Variants in WWOX observed in about 807,000 individuals in gnomAD.
WWOX encodes the protein WW domain-containing oxidoreductase.
WWOX carries 69 observed loss-of-function variants against 46.2 expected under a neutral mutation model. That is an observed-to-expected ratio of 1.49 (90% CI 1.23 to 1.82). The LOEUF (loss-of-function observed/expected upper bound fraction) is 1.82. WWOX is among the 40% of genes most tolerant of loss of function. The pLI is 0.00. For missense variants in WWOX, 919 were observed against 542.6 expected (o/e 1.69, Z -6.89); for synonymous variants, 359 against 202.6 (o/e 1.77, Z -6.56).
intron 5 of WWOX, among the ~76,000 whole-genome samples, chr16:78,352,358 C>G (rs1044035329): frequency 2.1e-4 from 32 of 152,200 alleles, no homozygotes; most frequent in African/African-American, 7.7e-4. Context: ...CAAAATAGGT[C>G]TCAGTGGGCT....
At chr16:78,570,678 A>G (rs2044693993) in intron 8 of WWOX, among the ~76,000 whole-genome samples, 1 of 152,158 alleles carries the variant, frequency 6.6e-6, no homozygotes, top group East Asian at 1.9e-4. Flanking sequence ...GAAGACACAA[A>G]GGTGAACCCC....
chr16:78,442,467 C>T (rs13336842), intron 8 of WWOX, among the ~76,000 whole-genome samples: 9,509 of 152,154 alleles, frequency 0.062, 459 homozygotes, highest in South Asian at 0.16. Context: ...ACTACCAGCC[C>T]CTCCTGGGAA....
intron 8 of WWOX, among the ~76,000 whole-genome samples, chr16:78,656,480 A>G (rs1352283929): frequency 6.6e-6 from 1 of 152,152 alleles, no homozygotes; most frequent in African/African-American, 2.4e-5. Flanking sequence ...ATGGCAGAAG[A>G]TGAAAGGGAA....
Position 78,125,830 on chromosome 16 carries a change from A to G in WWOX, c.409+10676A>G, listed in dbSNP as rs561082234. ...CATTCATCAAGCGCCTGTATATGCC[A>G]GGTGTTAGGCTAGATTAGCTTGATG... On this transcript the variant is annotated intron_variant, in intron 4 of 8. Transcript: ENST00000566780. Among the ~76,000 whole-genome samples the G allele has an allele frequency of 2.6e-5, 4 of 152,294 alleles. No homozygotes were observed. In the South Asian group the frequency reaches 8.3e-4, roughly 32 times the overall value.
chr16:79,009,539 C>G (rs552471312), intron 8 of WWOX, among the ~76,000 whole-genome samples: 86 of 152,080 alleles, frequency 5.7e-4, no homozygotes, highest in African/African-American at 2.0e-3. Flanking sequence ...GCGATCTCGG[C>G]TCACAGTAAC....
chr16:78,478,411 A>G (rs1170307863), intron 8 of WWOX, among the ~76,000 whole-genome samples: 1 of 152,176 alleles, frequency 6.6e-6, no homozygotes, highest in Non-Finnish European at 1.5e-5. Flanking sequence ...ATGAATGGCC[A>G]TATTTACCAC....
At chr16:78,518,840 G>T (rs771906813) in intron 8 of WWOX, among the ~76,000 whole-genome samples, 7 of 152,136 alleles carry the variant, frequency 4.6e-5, no homozygotes, top group African/African-American at 9.7e-5. Flanking sequence ...TGATTTCACT[G>T]TGCATAAAAT....
At chr16:78,170,443 C>G (rs938397151) in intron 5 of WWOX, among the ~76,000 whole-genome samples, 2 of 152,126 alleles carry the variant, frequency 1.3e-5, no homozygotes, top group Non-Finnish European at 2.9e-5. Flanking sequence ...TTAATAACAA[C>G]AATAATAATA....
At chr16:78,574,780 A>G (rs1197948592) in intron 8 of WWOX, among the ~76,000 whole-genome samples, 1 of 150,440 alleles carries the variant, frequency 6.6e-6, no homozygotes, top group Non-Finnish European at 1.5e-5. Context: ...GAGAGTGAGA[A>G]TGGTGGTTGC....
intron 8 of WWOX, chr16:78,899,741 C>T (rs913567745): frequency 1.3e-5 from 2 of 152,202 alleles, no homozygotes; most frequent in African/African-American, 4.8e-5. Flanking sequence ...AAGGAGATCT[C>T]TGTGATCCCT....
At chr16:78,345,639 C>CA (rs1193432164) in intron 5 of WWOX, among the ~76,000 whole-genome samples, 355 of 24,900 alleles carry the variant, frequency 0.014, 14 homozygotes, top group African/African-American at 0.026. Context: ...GACCCTGTCT[C>CA]AAAAAAAAAA....
At chr16:78,898,253 C>G (rs2044746875) in intron 8 of WWOX, 1 of 152,042 alleles carries the variant, frequency 6.6e-6, no homozygotes, top group Non-Finnish European at 1.5e-5. Flanking sequence ...ATGTTTTCTT[C>G]TAGACACTCC....
chr16:78,407,239 G>A (rs879364863), intron 6 of WWOX, among the ~76,000 whole-genome samples: 1 of 152,162 alleles, frequency 6.6e-6, no homozygotes, highest in Non-Finnish European at 1.5e-5. Context: ...AAGACTGTGG[G>A]TCCTTGGGCC....
At chr16:78,530,742 C>T (rs553971913) in intron 8 of WWOX, among the ~76,000 whole-genome samples, 1 of 152,190 alleles carries the variant, frequency 6.6e-6, no homozygotes, top group Non-Finnish European at 1.5e-5. Flanking sequence ...CCTCCTGTCC[C>T]TATCATTGAT....
intron 8 of WWOX, among the ~76,000 whole-genome samples, chr16:78,916,130 C>G (rs923325088): frequency 1.1e-4 from 17 of 152,064 alleles, no homozygotes; most frequent in Admixed American, 1.1e-3. Flanking sequence ...CACAGATAAC[C>G]GTCCCATCTT....
At chr16:78,767,019 T>A (rs1942200107) in intron 8 of WWOX, among the ~76,000 whole-genome samples, 1 of 152,134 alleles carries the variant, frequency 6.6e-6, no homozygotes, top group Non-Finnish European at 1.5e-5. Context: ...TCAATCCATA[T>A]TGTAGCATAT....
chr16:79,053,078 C>G (rs973428575), intron 8 of WWOX, among the ~76,000 whole-genome samples: 1 of 151,336 alleles, frequency 6.6e-6, no homozygotes, highest in East Asian at 1.9e-4. Context: ...AGTTAAAGAC[C>G]ATGCAAAAAG....
intron 8 of WWOX, among the ~76,000 whole-genome samples, chr16:78,694,578 T>C (rs2048059589): frequency 6.6e-6 from 1 of 152,174 alleles, no homozygotes; most frequent in Non-Finnish European, 1.5e-5. Context: ...TATTGAACAC[T>C]AGAAACACAG....
chr16:78,534,396 C>T (rs573390622), intron 8 of WWOX: 51 of 152,244 alleles, frequency 3.3e-4, no homozygotes, highest in African/African-American at 1.1e-3. Context: ...CTGAAACAAC[C>T]AACTGAAAAC....
Sources: allele counts gnomAD v4.1 joint callset (sites outside exome capture counted in the v4.1 genomes callset), GRCh38; gene constraint gnomAD v4.1.1; transcripts MANE v1.5; gene names NCBI Gene and HGNC (gene_info 2026-07-23, HGNC 2026-07-21).